The following RREB1 variants were observed in gnomAD, a reference collection of about 807,000 sequenced individuals.
RREB1 encodes ras responsive element binding protein 1, also known as ras-responsive element-binding protein 1.
RREB1 carries 27 observed loss-of-function variants against 117.8 expected under a neutral mutation model. That is an observed-to-expected ratio of 0.23 (90% CI 0.17 to 0.32). The LOEUF (loss-of-function observed/expected upper bound fraction) is 0.32. Among genes scored for constraint, RREB1 ranks in the 10% least tolerant of loss-of-function variants. RREB1 has a pLI of 1.00. For missense variants in RREB1, 2,577 were observed against 2,378.2 expected (o/e 1.08, Z -1.74); for synonymous variants, 1,298 against 1,026.7 (o/e 1.26, Z -5.05).
intron 1 of RREB1, among the ~76,000 whole-genome samples, chr6:7,147,390 T>C (rs1423677425): frequency 1.3e-5 from 2 of 152,264 alleles, no homozygotes; most frequent in African/African-American, 4.8e-5. Context: ...CCTCCTGTTT[T>C]CTTTTCCTTC....
chr6:7,182,509 G>A lies in RREB1; in HGVS notation c.171+427G>A, dbSNP rs184024158. Reference sequence around the variant, plus strand: ...AGCTTTCTATCCTTGAAAAAGCACAGAATTTGGCTTCAGATAATTCCAGTT... The same window carrying A: ...AGCTTTCTATCCTTGAAAAAGCACAAAATTTGGCTTCAGATAATTCCAGTT... On this transcript the variant is annotated intron_variant, in intron 4 of 12. Coordinates refer to ENST00000379938, the MANE Select transcript of RREB1 (RefSeq NM_001003699.4). 5.3e-5 allele frequency among the ~76,000 whole-genome samples: 8 copies of A among 152,290 alleles called. No homozygotes were observed. The East Asian group carries it at 1.5e-3, about 29-fold the overall frequency.
At chr6:7,196,484 ATAAAG>A (rs1765686533) in intron 6 of RREB1, among the ~76,000 whole-genome samples, 1 of 151,944 alleles carries the variant, frequency 6.6e-6, no homozygotes, top group African/African-American at 2.4e-5. Context: ...TATTGGTCAA[ATAAAG>A]TAAACTTCAC....
At position 7,249,182 on chromosome 6, in the gene RREB1, C is replaced by A. The variant is rs1769303585; in HGVS notation, c.*214C>A. On this transcript the variant is annotated 3_prime_UTR_variant, in exon 13 of 13. Coordinates refer to ENST00000379938, the MANE Select transcript of RREB1 (RefSeq NM_001003699.4). ...CGGGAGGCCACAGCCCGTGCCGATTCCAGTGCCTTAACTACTTACCGGATC... is the reference window on the plus strand; with the variant it reads ...CGGGAGGCCACAGCCCGTGCCGATTACAGTGCCTTAACTACTTACCGGATC... The A allele has an allele frequency of 2.0e-6, 1 of 501,290 alleles. No homozygotes were observed. Among genetic ancestry groups the A allele is most frequent in the South Asian group, 4.0e-5 (1 of 25,030 alleles). 31.1% of individuals were successfully genotyped at this position (501,290 alleles called of 1,614,324 possible).
intron 1 of RREB1, among the ~76,000 whole-genome samples, chr6:7,114,556 C>T (rs943616478): frequency 2.0e-5 from 3 of 151,948 alleles, no homozygotes; most frequent in Middle Eastern, 3.4e-3. Context: ...GTGCACAGAA[C>T]GACCCCCATA....
rs748238236 is a variant in RREB1 at position 7,187,487 on chromosome 6, C to T, written c.225C>T (p.Cys75=). ...SYNCPLCEKI[C]TTQHQLTMHI... ...ACTGCCCCCTGTGTGAGAAGATTTG[C>T]ACTACCCAGCACCAGCTGACCATGC... is the stretch of plus-strand genomic sequence containing the variant. Residue 75 remains cysteine, a synonymous_variant, in exon 5 of 13, where the codon TGC becomes TGT. Transcript: ENST00000379938. 1 of 1,580,470 alleles carries T rather than the reference C, an allele frequency of 6.3e-7. No individual in the cohort carries two copies. Among genetic ancestry groups the T allele is most frequent in the Non-Finnish European group, 8.6e-7 (1 of 1,158,714 alleles).
At chr6:7,178,375 A>G (rs1337657141) in intron 2 of RREB1, among the ~76,000 whole-genome samples, 1 of 152,216 alleles carries the variant, frequency 6.6e-6, no homozygotes, top group Non-Finnish European at 1.5e-5. Flanking sequence ...TGTTGTTCCA[A>G]AATTGTCCAG....
intron 5 of RREB1, chr6:7,187,756 G>T (rs1296687553): frequency 1.3e-4 from 32 of 253,268 alleles, no homozygotes; most frequent in Non-Finnish European, 7.3e-6. Context: ...TGGATGAGCT[G>T]TAGCTGTGCC....
At chr6:7,223,711 T>C (rs746020722) in intron 8 of RREB1, among the ~76,000 whole-genome samples, 5 of 152,192 alleles carry the variant, frequency 3.3e-5, no homozygotes, top group Admixed American at 6.5e-5. Context: ...TAAATACATA[T>C]ACTACCTACG....
chr6:7,125,513 C>T (rs772949633), intron 1 of RREB1, among the ~76,000 whole-genome samples: 1 of 152,212 alleles, frequency 6.6e-6, no homozygotes, highest in Non-Finnish European at 1.5e-5. Context: ...TGAAAGTACT[C>T]AGCCCTGTTT....
chr6:7,211,349 T>TGGAC (rs1353051640), intron 7 of RREB1, among the ~76,000 whole-genome samples: 2 of 140,882 alleles, frequency 1.4e-5, no homozygotes, highest in Non-Finnish European at 3.0e-5. Context: ...GATGGATGGA[T>TGGAC]GGATGGATGG....
intron 6 of RREB1, among the ~76,000 whole-genome samples, chr6:7,206,355 T>C (rs113022869): frequency 6.6e-6 from 1 of 152,246 alleles, no homozygotes; most frequent in Non-Finnish European, 1.5e-5. Context: ...AGGCAAGTTA[T>C]AAGATGTCCT....
At position 7,196,014 on chromosome 6, in the gene RREB1, AC is replaced by A. The variant is rs1455213209; in HGVS notation, c.425+6693del. Among the ~76,000 whole-genome samples, 3 of 152,204 alleles carry A rather than the reference AC, an allele frequency of 2.0e-5. No individual in the cohort carries two copies. The East Asian group carries it at 5.8e-4, about 29-fold the overall frequency. ...AGGCTGGTCTGTGCTCTGCTCCTCA[AC>A]AGCACAGTTGACAACTACACAGCTT... On this transcript the variant is annotated intron_variant, in intron 6 of 12. Coordinates refer to ENST00000379938, the MANE Select transcript of RREB1 (RefSeq NM_001003699.4).
chr6:7,197,818 G>A (rs1375139173), intron 6 of RREB1, among the ~76,000 whole-genome samples: 1 of 152,212 alleles, frequency 6.6e-6, no homozygotes, highest in East Asian at 1.9e-4. Context: ...ATCAGGATAG[G>A]CTTCAGGAAG....
At chr6:7,241,992 C>A (rs1036547836) in intron 11 of RREB1, among the ~76,000 whole-genome samples, 3 of 152,218 alleles carry the variant, frequency 2.0e-5, no homozygotes, top group Admixed American at 1.3e-4. Context: ...GCGTTTGCTG[C>A]AGACCATCCT....
intron 1 of RREB1, among the ~76,000 whole-genome samples, chr6:7,174,793 G>A (rs1369705057): frequency 1.3e-5 from 2 of 152,172 alleles, no homozygotes; most frequent in Non-Finnish European, 2.9e-5. Flanking sequence ...ATTTTTAGTA[G>A]AGATGGGGTT....
At chr6:7,199,369 A>G (rs890053152) in intron 6 of RREB1, among the ~76,000 whole-genome samples, 2 of 152,168 alleles carry the variant, frequency 1.3e-5, no homozygotes, top group Non-Finnish European at 2.9e-5. Context: ...CCTCTCCCTT[A>G]AGATATTTAA....
chr6:7,231,898 A>T lies in RREB1; in HGVS notation c.3799A>T (p.Thr1267Ser), dbSNP rs1257909508. 8 of 1,598,648 alleles carry T rather than the reference A, an allele frequency of 5.0e-6. No individual in the cohort carries two copies. Among genetic ancestry groups the T allele is most frequent in the Non-Finnish European group, 6.8e-6 (8 of 1,170,150 alleles). Reference sequence around the variant, plus strand: ...CAGCTCCCTACAGAGGCACATGCTCACACACACTGGTAAGAGGGCCACCGG... The same window carrying T: ...CAGCTCCCTACAGAGGCACATGCTCTCACACACTGGTAAGAGGGCCACCGG... ...WASSLQRHML[T>S]HTGQKPFPCQ... The change falls in exon 10 of 13, where the codon ACA becomes TCA. Residue 1267 changes from threonine to serine, a missense_variant. Transcript: ENST00000379938.
intron 6 of RREB1, among the ~76,000 whole-genome samples, chr6:7,203,544 C>T (rs1172059825): frequency 6.6e-6 from 1 of 152,168 alleles, no homozygotes; most frequent in African/African-American, 2.4e-5. Flanking sequence ...GCCTGGAGAA[C>T]CATGACCCCA....
intron 1 of RREB1, among the ~76,000 whole-genome samples, chr6:7,143,595 C>T (rs1177234648): frequency 6.6e-6 from 1 of 152,112 alleles, no homozygotes; most frequent in African/African-American, 2.4e-5. Context: ...TTATCTAGAC[C>T]GTTTTGCCAC....
Sources: allele counts gnomAD v4.1 joint callset (sites outside exome capture counted in the v4.1 genomes callset), GRCh38; gene constraint gnomAD v4.1.1; transcripts MANE v1.5; gene names NCBI Gene and HGNC (gene_info 2026-07-23, HGNC 2026-07-21).